Variants in GOLGA6L2 observed in about 807,000 individuals in gnomAD.
The protein encoded by GOLGA6L2 is golgin A6 family like 2.
A neutral mutation model predicts 35.9 loss-of-function variants in GOLGA6L2; 30 were observed. The observed-to-expected ratio is 0.83, with a 90% CI of 0.62 to 1.13. The LOEUF is 1.13. Among genes scored for constraint, GOLGA6L2 ranks in the 50% most tolerant of loss-of-function variants. The pLI is 0.00. For missense variants in GOLGA6L2, 821 were observed against 973.4 expected (o/e 0.84, Z 2.08); for synonymous variants, 297 against 344.0 (o/e 0.86, Z 1.51).
intron 1 of GOLGA6L2, among the ~76,000 whole-genome samples, chr15:23,445,947 A>C (rs530965748): frequency 1.4e-4 from 21 of 152,330 alleles, no homozygotes; most frequent in Admixed American, 5.2e-4. Flanking sequence ...GTCATCCGTA[A>C]GAACATTAAT....
rs766544419 is a variant in GOLGA6L2 at position 23,442,449 on chromosome 15, C to T, written c.650+1G>A. 42 of 1,595,944 alleles carry T rather than the reference C, an allele frequency of 2.6e-5. No homozygotes were observed. Among genetic ancestry groups the T allele is most frequent in the African/African-American group, 1.1e-4 (8 of 74,590 alleles). Reference sequence around the variant, plus strand: ...TCCCATCCCACCTTCCCCCATCCTACGTGTTCCTGTACAGTTCCAGACTCA... The same window carrying T: ...TCCCATCCCACCTTCCCCCATCCTATGTGTTCCTGTACAGTTCCAGACTCA... On this transcript the variant is annotated splice_donor_variant, in intron 6 of 7. Transcript: ENST00000567107. LOFTEE classifies it high-confidence loss of function.
Position 23,447,150 on chromosome 15 carries a change from G to C in GOLGA6L2, c.32C>G (p.Pro11Arg). The C allele has an allele frequency of 1.9e-6, 3 of 1,599,974 alleles. No individual in the cohort carries two copies. The highest frequency in any genetic ancestry group is 2.6e-6 in the Non-Finnish European group (3 of 1,171,714). The change falls in exon 1 of 8, where the codon CCC becomes CGC. Residue 11 changes from proline to arginine, a missense_variant. Pro to Arg is a moderately radical substitution (Grantham distance 103, BLOSUM62 -2). Around this residue, in one of 7 missense-constraint regions of GOLGA6L2, gnomAD observed 48 missense variants for 31.7 expected, o/e 1.51. Coordinates refer to ENST00000567107, the MANE Select transcript of GOLGA6L2 (RefSeq NM_001304388.2). MWPQPHLPPH[P>R]MMSEKTRQNK... ...CTGTCTGGTTTTTTCTGACATCATG[G>C]GGTGGGGAGGGAGGTGGGGTTGGGG...
chr15:23,443,723 T>A (rs1300408598), intron 5 of GOLGA6L2, 54 bp downstream of exon 5: 2 of 1,360,032 alleles, frequency 1.5e-6, no homozygotes, highest in Admixed American at 3.9e-5. Flanking sequence ...TTAGGCTCAT[T>A]CCTCCATCTG....
intron 5 of GOLGA6L2, 115 bp downstream of exon 5, chr15:23,443,662 A>G: frequency 1.1e-6 from 1 of 891,316 alleles, no homozygotes; most frequent in Non-Finnish European, 1.8e-6. Context: ...GCAGCAAGAA[A>G]TGACCCATAC....
intron 2 of GOLGA6L2, 110 bp from the exon 3 acceptor site, chr15:23,444,610 T>C: frequency 3.4e-6 from 3 of 885,510 alleles, no homozygotes; most frequent in South Asian, 2.8e-5. Flanking sequence ...GGCAACGTTC[T>C]CAGACCCAAT....
intron 4 of GOLGA6L2, 31 bp downstream of exon 4, chr15:23,444,131 G>T (rs1324084192): frequency 1.9e-6 from 3 of 1,601,186 alleles, no homozygotes; most frequent in Admixed American, 1.7e-5. Flanking sequence ...TTCTCCAGAG[G>T]ACAGGAGGGA....
chr15:23,441,662 C>G lies in GOLGA6L2; in HGVS notation c.813G>C (p.Gln271His), dbSNP rs2070694733. 6.5e-7 allele frequency: 1 copy of G among 1,528,470 alleles called. No individual in the cohort carries two copies. Among genetic ancestry groups the G allele is most frequent in the African/African-American group, 1.4e-5 (1 of 72,154 alleles). The allele number at this position is 1,528,470 out of a possible 1,614,324, so 94.7% of individuals were successfully genotyped here. Residue 271 changes from glutamine (Q) to histidine (H), a missense_variant, in exon 8 of 8, where the codon CAG (glutamine) becomes CAC (histidine). This residue lies in a region of GOLGA6L2 where 614 missense variants were observed against 632.3 expected (regional missense o/e 0.97). Coordinates refer to ENST00000567107, the MANE Select transcript of GOLGA6L2 (RefSeq NM_001304388.2). ...CCTCCTCCTGCCTCCACATCTCCTCCTGCAAAGTGTTGGTTTGAACCTCAA... is the reference window on the plus strand; with the variant it reads ...CCTCCTCCTGCCTCCACATCTCCTCGTGCAAAGTGTTGGTTTGAACCTCAA... ...LLPQVQTNTL[Q>H]EEMWRQEEEL...
rs913168298 is a variant in GOLGA6L2, at chr15:23,439,695, C to G, written c.*50G>C. On this transcript the variant is annotated 3_prime_UTR_variant, in exon 8 of 8. Coordinates refer to ENST00000567107, the MANE Select transcript of GOLGA6L2 (RefSeq NM_001304388.2). ...GCAGTGGGGTTGTCCTGCGGAGAACCCTCCCCAGCCTCTCCTCCTGCAGGC... is the reference window on the plus strand; with the variant it reads ...GCAGTGGGGTTGTCCTGCGGAGAACGCTCCCCAGCCTCTCCTCCTGCAGGC... 164 of 1,537,016 alleles carry G rather than the reference C, an allele frequency of 1.1e-4. No individual in the cohort carries two copies. The highest frequency in any genetic ancestry group is 1.3e-4 in the Non-Finnish European group (150 of 1,147,148).
chr15:23,439,466 A>G lies in GOLGA6L2; in HGVS notation c.*279T>C. On this transcript the variant is annotated 3_prime_UTR_variant, in exon 8 of 8. Coordinates refer to ENST00000567107, the MANE Select transcript of GOLGA6L2 (RefSeq NM_001304388.2). ...TCTTTTCTTTTTTTTTTTTTTTTTC[A>G]AGTTTGTGCTCAGACTATATTCACA... 1 of 525,706 alleles carries G rather than the reference A, an allele frequency of 1.9e-6. No individual in the cohort carries two copies. The highest frequency in any genetic ancestry group is 2.1e-5 in the African/African-American group (1 of 47,026). The allele number at this position is 525,706 out of a possible 1,614,324, so 32.6% of individuals were successfully genotyped here.
intron 5 of GOLGA6L2, among the ~76,000 whole-genome samples, chr15:23,443,064 T>C (rs1313641066): frequency 1.3e-5 from 2 of 152,188 alleles, no homozygotes; most frequent in Admixed American, 6.5e-5. Flanking sequence ...TTACCATTAT[T>C]ACCTCTATTG....
Position 23,441,036 on chromosome 15 carries a change from A to G in GOLGA6L2, c.1439T>C (p.Met480Thr). 6.6e-7 allele frequency: 1 copy of G among 1,525,848 alleles called. No individual in the cohort carries two copies. Among genetic ancestry groups the G allele is most frequent in the Non-Finnish European group, 8.8e-7 (1 of 1,139,232 alleles). 94.5% of individuals were successfully genotyped at this position (1,525,848 alleles called of 1,614,324 possible). A position where few individuals can be genotyped will look rare whatever the true frequency, so the allele number is the denominator to read the frequency against. Residue 480 changes from methionine to threonine, a missense_variant, in exon 8 of 8, where the codon ATG becomes ACG. Around this residue, in one of 7 missense-constraint regions of GOLGA6L2, gnomAD observed 614 missense variants for 632.3 expected, o/e 0.97. Transcript: ENST00000567107. ...EEKMQKQEEN[M>T]WEQEEKEWQQ... Reference sequence around the variant, plus strand: ...CCACTCCTTCTCTTCCTGCTCCCACATATTCTCCTCCTGCTTCTGCATCTT... The same window carrying G: ...CCACTCCTTCTCTTCCTGCTCCCACGTATTCTCCTCCTGCTTCTGCATCTT...
Position 23,441,037 on chromosome 15 carries a change from T to C in GOLGA6L2, c.1438A>G (p.Met480Val). ...CACTCCTTCTCTTCCTGCTCCCACA[T>C]ATTCTCCTCCTGCTTCTGCATCTTC... ...EEKMQKQEEN[M>V]WEQEEKEWQQ... is the part of the protein sequence containing the mutation. Residue 480 changes from methionine (M) to valine (V), a missense_variant, in exon 8 of 8, where the codon ATG (methionine) becomes GTG (valine). By Grantham distance (21) the Met-to-Val change is conservative. Transcript: ENST00000567107. The C allele has an allele frequency of 1.3e-6, 2 of 1,531,484 alleles. No individual in the cohort carries two copies. The highest frequency in any genetic ancestry group is 1.8e-6 in the Non-Finnish European group (2 of 1,140,684). 94.9% of individuals were successfully genotyped at this position (1,531,484 alleles called of 1,614,324 possible). A position where few individuals can be genotyped will look rare whatever the true frequency, so the allele number is the denominator to read the frequency against.
chr15:23,443,905 C>A lies in GOLGA6L2; in HGVS notation c.463G>T (p.Val155Phe). 6.5e-7 allele frequency: 1 copy of A among 1,545,528 alleles called. No individual in the cohort carries two copies. Residue 155 changes from valine to phenylalanine, a missense_variant, in exon 5 of 8, where the codon GTC (valine) becomes TTC (phenylalanine). Transcript: ENST00000567107. ...TCTCCTGGAATGAGAGAGGTTGAGA[C>A]ACAGCCCAAAGGACTCCCCCTAAAG... ...QAFRGSPLGC[V>F]STSLIPGESK...
Position 23,441,035 on chromosome 15 carries a change from C to T in GOLGA6L2, c.1440G>A (p.Met480Ile), listed in dbSNP as rs1232933242. 3.3e-6 allele frequency: 5 copies of T among 1,533,512 alleles called. 1 individual carries two copies. In the African/African-American group the frequency reaches 6.9e-5, roughly 21 times the overall value. The allele number at this position is 1,533,512 out of a possible 1,614,324, so 95.0% of individuals were successfully genotyped here. The change falls in exon 8 of 8, where the codon ATG becomes ATA. Residue 480 changes from methionine to isoleucine, a missense_variant. Physicochemically the swap from Met to Ile is conservative, Grantham distance 10. This residue lies in a region of GOLGA6L2 where 614 missense variants were observed against 632.3 expected (regional missense o/e 0.97). Transcript: ENST00000567107. Reference sequence around the variant, plus strand: ...GCCACTCCTTCTCTTCCTGCTCCCACATATTCTCCTCCTGCTTCTGCATCT... The same window carrying T: ...GCCACTCCTTCTCTTCCTGCTCCCATATATTCTCCTCCTGCTTCTGCATCT... ...EEKMQKQEEN[M>I]WEQEEKEWQQ...
chr15:23,444,249 AG>A, intron 3 of GOLGA6L2, 37 bp from the exon 4 acceptor site: 1 of 1,592,998 alleles, frequency 6.3e-7, no homozygotes. Context: ...TACTAGGGGG[AG>A]GCAGAGATCC....
In GOLGA6L2 at chr15:23,441,497, C is replaced by T. The variant is rs749144015; in HGVS notation, c.978G>A (p.Gln326=). ...MRRQEKRLRE[Q]EKELREQEKE... Reference sequence around the variant, plus strand: ...TCTCCTGCTCCCGCAGCTCCTTCTCCTGCTCTCGCAGCCTCTTCTCCTGTC... The same window carrying T: ...TCTCCTGCTCCCGCAGCTCCTTCTCTTGCTCTCGCAGCCTCTTCTCCTGTC... The change falls in exon 8 of 8, where the codon CAG becomes CAA. Residue 326 remains glutamine, a synonymous_variant. Transcript: ENST00000567107. 2 of 1,403,850 alleles carry T rather than the reference C, an allele frequency of 1.4e-6. No individual in the cohort carries two copies. The highest frequency in any genetic ancestry group is 1.9e-6 in the Non-Finnish European group (2 of 1,048,622). The allele number at this position is 1,403,850 out of a possible 1,614,324, so 87.0% of individuals were successfully genotyped here. A position where few individuals can be genotyped will look rare whatever the true frequency, so the allele number is the denominator to read the frequency against.
At chr15:23,444,421 A>C in intron 3 of GOLGA6L2, 50 bp downstream of exon 3, 1 of 1,580,946 alleles carries the variant, frequency 6.3e-7, no homozygotes, top group Non-Finnish European at 8.6e-7. Flanking sequence ...TCTACATCTG[A>C]GTGCCCTCCA....
chr15:23,439,835 C>T lies in GOLGA6L2; in HGVS notation c.2640G>A (p.Thr880=), dbSNP rs1038559190. Residue 880 remains threonine, a synonymous_variant, in exon 8 of 8, where the codon ACG becomes ACA. Transcript: ENST00000567107. ...GGDAREGGED[T]RSEREDAGEA... is the part of the protein sequence containing the mutation. ...CTCCTGCATCTTCTCTTTCTGATCT[C>T]GTATCCTCTCCTCCTTCTCTCGCAT... The T allele has an allele frequency of 5.0e-5, 75 of 1,512,774 alleles. No homozygotes were observed. The highest frequency in any genetic ancestry group is 8.4e-5 in the Admixed American group (4 of 47,376). 93.7% of individuals were successfully genotyped at this position (1,512,774 alleles called of 1,614,324 possible). A position where few individuals can be genotyped will look rare whatever the true frequency, so the allele number is the denominator to read the frequency against.
In GOLGA6L2 at chr15:23,441,193, C is replaced by T. The variant is rs1268762285; in HGVS notation, c.1282G>A (p.Glu428Lys). 7.8e-6 allele frequency: 12 copies of T among 1,538,376 alleles called. No individual in the cohort carries two copies. The Admixed American group carries it at 2.4e-4, about 30-fold the overall frequency. ...TCCTGCTCCTGCATCTTCTTCTCCT[C>T]CCGCATCTTCTCCACCTGCTCCCAC... Reference protein sequence around the residue: ...KMWEQVEKMREEKKMQEQEKK... With the variant: ...KMWEQVEKMRKEKKMQEQEKK... The change falls in exon 8 of 8, where the codon GAG becomes AAG. Residue 428 changes from glutamate (E) to lysine (K), a missense_variant. By Grantham distance (56) the Glu-to-Lys change is moderately conservative (BLOSUM62 1). Transcript: ENST00000567107.
Sources: gnomAD v4.1 joint callset for allele counts (sites outside exome capture counted in the v4.1 genomes callset) on GRCh38, gnomAD v4.1.1 for gene constraint, gnomAD v4.1.1 regional missense constraint, MANE v1.5 for transcripts, NCBI Gene and HGNC (gene_info 2026-07-23, HGNC 2026-07-21) for gene names.